The following DMD variants were observed in gnomAD, a reference collection of about 807,000 sequenced individuals.
DMD encodes mutant dystrophin.
A neutral mutation model predicts 330.1 loss-of-function variants in DMD; 63 were observed. That is an observed-to-expected ratio of 0.19 (90% CI 0.16 to 0.24). DMD has a LOEUF of 0.24. Ranked by LOEUF, DMD falls within the 10% of genes least tolerant of loss-of-function variation. DMD has a pLI of 1.00. For missense variants in DMD, 3,344 were observed against 2,684.1 expected (o/e 1.25, Z -5.43); for synonymous variants, 1,223 against 959.8 (o/e 1.27, Z -5.07).
chrX:32,373,206 C>A (rs997475943), intron 34 of DMD, among the ~76,000 whole-genome samples: 31 of 108,172 alleles, frequency 2.9e-4, no homozygotes, highest in African/African-American at 9.6e-4. Context: ...CTATTTAATT[C>A]TGAGCAGGAA....
At chrX:32,555,667 T>A (rs1299019167) in intron 16 of DMD, among the ~76,000 whole-genome samples, 2 of 110,855 alleles carry the variant, frequency 1.8e-5, no homozygotes, top group African/African-American at 6.6e-5. Flanking sequence ...AACTCAGAAA[T>A]AAGACCACGC....
At chrX:31,907,442 GACA>G (rs2094491696) in intron 47 of DMD, among the ~76,000 whole-genome samples, 1 of 111,341 alleles carries the variant, frequency 9.0e-6, no homozygotes, top group African/African-American at 3.3e-5. Flanking sequence ...TGACAAACCT[GACA>G]AAAAACAAGA....
chrX:32,554,105 T>G (rs950863350), intron 16 of DMD, among the ~76,000 whole-genome samples: 29 of 112,110 alleles, frequency 2.6e-4, no homozygotes, highest in African/African-American at 9.1e-4. Context: ...AAAGAGACAA[T>G]TTATCAGAAT....
chrX:32,194,500 A>G (rs773460848), intron 44 of DMD, among the ~76,000 whole-genome samples: 6 of 112,169 alleles, frequency 5.3e-5, no homozygotes, highest in Non-Finnish European at 7.5e-5. Flanking sequence ...ATTCATTCAT[A>G]TGGTTGCTTT....
In DMD at chrX:32,196,992, A is replaced by AAAAG. The variant is rs1301614365; in HGVS notation, c.6438+19923_6438+19924insCTTT. 1.7e-4 allele frequency among the ~76,000 whole-genome samples: 17 copies of AAAAG among 102,370 alleles called. 1 individual carries two copies. Among genetic ancestry groups the AAAAG allele is most frequent in the African/African-American group, 6.1e-4 (17 of 27,713 alleles). The allele number at this position is 102,370 out of a possible 115,157, so 88.9% of individuals were successfully genotyped here. On this transcript the variant is annotated intron_variant, in intron 44 of 78. Transcript: ENST00000357033. ...ACAGAGCGAGACTCCATCTCAAAAA[A>AAAAG]AAAAAAAAAAAAACAAAAACAAAAG... is the stretch of plus-strand genomic sequence containing the variant.
chrX:31,456,834 ATATGTGTGTGTG>A (rs1350404838), intron 59 of DMD, among the ~76,000 whole-genome samples: 1 of 67,089 alleles, frequency 1.5e-5, no homozygotes, highest in African/African-American at 6.1e-5. Context: ...GTGCCCACAT[ATATGTGTGTGTG>A]TGTGTGTGTG....
intron 47 of DMD, among the ~76,000 whole-genome samples, chrX:31,895,358 A>G (rs2094316952): frequency 8.9e-6 from 1 of 112,387 alleles, no homozygotes. Context: ...TCTTATGACT[A>G]GGGTTGCCTT....
At chrX:31,323,801 C>G in intron 61 of DMD, 143 bp from the exon 62 acceptor site, 2 of 563,778 alleles carry the variant, frequency 3.5e-6, no homozygotes, top group Non-Finnish European at 6.1e-6. Flanking sequence ...GATGGATTAA[C>G]CTGCTGTTCT....
At chrX:33,058,131 G>C (rs1262012308) in intron 1 of DMD, among the ~76,000 whole-genome samples, 1 of 111,576 alleles carries the variant, frequency 9.0e-6, no homozygotes, top group Non-Finnish European at 1.9e-5. Flanking sequence ...CCGCCCTCCT[G>C]GGCCTCCCAA....
intron 62 of DMD, among the ~76,000 whole-genome samples, chrX:31,317,119 T>C (rs1013167293): frequency 1.8e-5 from 2 of 111,942 alleles, no homozygotes; most frequent in Non-Finnish European, 3.8e-5. Context: ...CAGAAAATGT[T>C]AGTACTGGAA....
In DMD at chrX:31,960,935, A is replaced by G. The variant is rs2095297001; in HGVS notation, c.6614+7404T>C. 3.6e-5 allele frequency among the ~76,000 whole-genome samples: 4 copies of G among 111,807 alleles called. No homozygotes were observed. In the South Asian group the frequency reaches 1.1e-3, roughly 31 times the overall value. On this transcript the variant is annotated intron_variant, in intron 45 of 78. Transcript: ENST00000357033. Reference sequence around the variant, plus strand: ...GTATGATTCTCTCTGATCAATCTAAAAATAGCTCTTTGGTGATATGGATTG... The same window carrying G: ...GTATGATTCTCTCTGATCAATCTAAGAATAGCTCTTTGGTGATATGGATTG...
chrX:32,271,825 G>T (rs331348), intron 43 of DMD, among the ~76,000 whole-genome samples: 58,881 of 110,308 alleles, frequency 0.53, 12,533 homozygotes, highest in African/African-American at 0.8. Context: ...TTTGACCTTA[G>T]TATAGCGAAA....
intron 44 of DMD, among the ~76,000 whole-genome samples, chrX:32,188,566 T>G (rs905734482): frequency 8.4e-5 from 9 of 107,135 alleles, no homozygotes; most frequent in Non-Finnish European, 7.7e-5. Flanking sequence ...TCCAATCTTA[T>G]TTGGATGTTT....
At chrX:31,993,128 C>T (rs1354960825) in intron 44 of DMD, among the ~76,000 whole-genome samples, 2 of 111,057 alleles carry the variant, frequency 1.8e-5, no homozygotes, top group Admixed American at 9.6e-5. Flanking sequence ...AACTTCCATT[C>T]AAAATTTAAT....
chrX:32,741,018 T>C (rs1402696632), intron 7 of DMD, among the ~76,000 whole-genome samples: 1 of 111,769 alleles, frequency 8.9e-6, no homozygotes, highest in East Asian at 2.8e-4. Flanking sequence ...AAGGTGTGTG[T>C]GTACGTTTGT....
intron 57 of DMD, among the ~76,000 whole-genome samples, chrX:31,482,127 G>A (rs1261252842): frequency 9.1e-6 from 1 of 109,881 alleles, no homozygotes; most frequent in Non-Finnish European, 1.9e-5. Context: ...TTACTGTAAG[G>A]TAATTAAATG....
At chrX:33,057,860 AATTTTTGTTTTTTGTTTGTTTTTT>A (rs1378886802) in intron 1 of DMD, among the ~76,000 whole-genome samples, 1 of 110,734 alleles carries the variant, frequency 9.0e-6, no homozygotes, top group Non-Finnish European at 1.9e-5. Flanking sequence ...GGATATACCC[AATTTTTGTTTTTTGTTTGTTTTTT>A]GTTTTTGTTT....
At chrX:32,425,132 A>C (rs2098206396) in intron 29 of DMD, among the ~76,000 whole-genome samples, 1 of 111,680 alleles carries the variant, frequency 9.0e-6, no homozygotes, top group Non-Finnish European at 1.9e-5. Flanking sequence ...ACTTCTCCTG[A>C]TTTTAAACGA....
At chrX:33,149,048 G>A (rs1051693265) in intron 1 of DMD, among the ~76,000 whole-genome samples, 3 of 110,486 alleles carry the variant, frequency 2.7e-5, no homozygotes, top group African/African-American at 9.9e-5. Context: ...GGGTTAGTGG[G>A]GGGGAGGTGA....
Sources: allele counts gnomAD v4.1 joint callset (sites outside exome capture counted in the v4.1 genomes callset), GRCh38; gene constraint gnomAD v4.1.1; transcripts MANE v1.5; gene names NCBI Gene and HGNC (gene_info 2026-07-23, HGNC 2026-07-21).